DCDC1: variants seen among roughly 807,000 people sequenced by gnomAD.
DCDC1 encodes doublecortin domain containing 1.
Under a neutral mutation model 178.3 loss-of-function variants are expected in DCDC1, and 200 were observed. The ratio of observed to expected loss-of-function variants is 1.12; its 90% CI spans 1.00 to 1.26. The LOEUF (loss-of-function observed/expected upper bound fraction) is 1.26. Ranked by LOEUF, DCDC1 falls within the 50% of genes most tolerant of loss-of-function variation. DCDC1 has a pLI of 0.00. For missense variants in DCDC1, 1,983 were observed against 1,749.2 expected (o/e 1.13, Z -2.38); for synonymous variants, 690 against 604.8 (o/e 1.14, Z -2.07).
intron 6 of DCDC1, among the ~76,000 whole-genome samples, chr11:31,294,226 C>G (rs1231126880): frequency 6.6e-6 from 1 of 151,814 alleles, no homozygotes; most frequent in East Asian, 2.0e-4. Flanking sequence ...GAAAGGTATT[C>G]CAAGCAGAGT....
chr11:31,369,450 C>T (rs947805932), intron 1 of DCDC1, among the ~76,000 whole-genome samples: 1 of 152,148 alleles, frequency 6.6e-6, no homozygotes, highest in Non-Finnish European at 1.5e-5. Flanking sequence ...GGCATCAGGT[C>T]TCCTCATCCT....
intron 20 of DCDC1, among the ~76,000 whole-genome samples, chr11:31,025,523 C>A (rs1565195347): frequency 6.6e-6 from 1 of 151,652 alleles, no homozygotes; most frequent in Non-Finnish European, 1.5e-5. Context: ...ATGAACTAAG[C>A]CAATCTTCCT....
intron 25 of DCDC1, among the ~76,000 whole-genome samples, chr11:30,920,236 T>G (rs985045940): frequency 1.3e-5 from 2 of 152,144 alleles, no homozygotes; most frequent in African/African-American, 4.8e-5. Flanking sequence ...CAGAAGGCCT[T>G]GGGATTCCAG....
chr11:30,925,237 T>C, intron 23 of DCDC1, 72 bp downstream of exon 23: 2 of 1,313,072 alleles, frequency 1.5e-6, no homozygotes, highest in Non-Finnish European at 2.2e-6. Context: ...TGAAGACTTA[T>C]ATTTAAGGGG....
intron 20 of DCDC1, among the ~76,000 whole-genome samples, chr11:31,059,363 C>T (rs1005410778): frequency 2.0e-5 from 3 of 151,974 alleles, no homozygotes; most frequent in Admixed American, 6.6e-5. Context: ...GGATATTTGA[C>T]TTTTCTAATC....
intron 8 of DCDC1, among the ~76,000 whole-genome samples, chr11:31,251,591 CAAATT>C (rs2136988571): frequency 6.6e-6 from 1 of 151,284 alleles, no homozygotes; most frequent in African/African-American, 2.4e-5. Flanking sequence ...TTCCTTAAAA[CAAATT>C]AAGAGAGAGA....
At chr11:31,221,018 C>T (rs1034149509) in intron 9 of DCDC1, among the ~76,000 whole-genome samples, 1 of 152,138 alleles carries the variant, frequency 6.6e-6, no homozygotes, top group Non-Finnish European at 1.5e-5. Flanking sequence ...TCCATAAAGG[C>T]CCTACTTCCA....
intron 38 of DCDC1, among the ~76,000 whole-genome samples, chr11:30,865,612 C>T (rs184356668): frequency 9.2e-5 from 14 of 152,182 alleles, no homozygotes; most frequent in Admixed American, 7.9e-4. Flanking sequence ...CTAAGACTGA[C>T]CGGAAATCTG....
At chr11:30,999,407 A>G (rs1951449104) in intron 20 of DCDC1, among the ~76,000 whole-genome samples, 1 of 152,202 alleles carries the variant, frequency 6.6e-6, no homozygotes. Flanking sequence ...TCTTCTGTAA[A>G]TCAAAAATTA....
At chr11:31,247,252 A>G (rs1253436701) in intron 8 of DCDC1, among the ~76,000 whole-genome samples, 1 of 151,960 alleles carries the variant, frequency 6.6e-6, no homozygotes, top group South Asian at 2.1e-4. Flanking sequence ...AGTCCTCTCC[A>G]TTTTGAAAAT....
chr11:31,179,963 G>T (rs944200590), intron 9 of DCDC1, among the ~76,000 whole-genome samples: 2 of 152,274 alleles, frequency 1.3e-5, no homozygotes, highest in Middle Eastern at 3.4e-3. Flanking sequence ...TTTATCCCAG[G>T]AATGCAAGGG....
intron 20 of DCDC1, among the ~76,000 whole-genome samples, chr11:31,055,121 G>A (rs775513088): frequency 2.0e-5 from 3 of 151,796 alleles, no homozygotes; most frequent in East Asian, 1.9e-4. Flanking sequence ...AATCTACAAC[G>A]AACTCAAACA....
chr11:31,245,099 A>C (rs1240585592), intron 8 of DCDC1, among the ~76,000 whole-genome samples: 1 of 151,512 alleles, frequency 6.6e-6, no homozygotes, highest in Non-Finnish European at 1.5e-5. Context: ...TTGTCCTTCA[A>C]GGCTCATATC....
intron 20 of DCDC1, among the ~76,000 whole-genome samples, chr11:31,020,994 A>G (rs1307622386): frequency 6.6e-6 from 1 of 152,232 alleles, no homozygotes; most frequent in Admixed American, 6.5e-5. Context: ...ATTTAAATGT[A>G]AAAAACACTC....
chr11:30,909,392 C>T (rs1945290582), intron 28 of DCDC1, among the ~76,000 whole-genome samples: 1 of 152,024 alleles, frequency 6.6e-6, no homozygotes, highest in Non-Finnish European at 1.5e-5. Flanking sequence ...CTTTTTCTAA[C>T]ATCTTTTAAA....
chr11:31,297,331 T>G (rs1947763316), intron 6 of DCDC1, among the ~76,000 whole-genome samples: 1 of 151,644 alleles, frequency 6.6e-6, no homozygotes, highest in South Asian at 2.1e-4. Flanking sequence ...GAATCTACTT[T>G]GAATTTCTAG....
Position 30,868,040 on chromosome 11 carries a change from A to G in DCDC1, c.*41-2708T>C, listed in dbSNP as rs1281867455. Among the ~76,000 whole-genome samples, 3 of 152,052 alleles carry G rather than the reference A, an allele frequency of 2.0e-5. No individual in the cohort carries two copies. The East Asian group carries it at 5.8e-4, about 29-fold the overall frequency. On this transcript the variant is annotated intron_variant, in intron 38 of 38. Coordinates refer to ENST00000684477, the MANE Select transcript of DCDC1 (RefSeq NM_001387274.1). The stretch of plus-strand genomic sequence containing the variant: ...ACCCACAATGTCAGCTCAAGAATGG[A>G]AGAACCAGAATAGATCCAAAGATAT...
rs537634810 is a variant in DCDC1, at chr11:31,055,911, G to A, written c.2591+8558C>T. ...AAATATGGTGCAGTGTACACTGCTC[G>A]CGTGATGGGTGCACCAAAATCTCAC... On this transcript the variant is annotated intron_variant, in intron 20 of 38. Coordinates refer to ENST00000684477, the MANE Select transcript of DCDC1 (RefSeq NM_001387274.1). Among the ~76,000 whole-genome samples, 12 of 152,202 alleles carry A rather than the reference G, an allele frequency of 7.9e-5. No homozygotes were observed. The East Asian group carries it at 1.7e-3, about 22-fold the overall frequency.
At chr11:31,119,197 T>TC in intron 11 of DCDC1, among the ~76,000 whole-genome samples, 1 of 152,260 alleles carries the variant, frequency 6.6e-6, no homozygotes. Context: ...AAATGGGCAG[T>TC]CCAATATTTT....
Sources: allele counts gnomAD v4.1 joint callset (sites outside exome capture counted in the v4.1 genomes callset), GRCh38; gene constraint gnomAD v4.1.1; transcripts MANE v1.5; gene names NCBI Gene and HGNC (gene_info 2026-07-23, HGNC 2026-07-21).